Variants in XKR4 observed in about 807,000 individuals in gnomAD.
XKR4 encodes the protein XK related 4.
XKR4 carries 12 observed loss-of-function variants against 53.9 expected under a neutral mutation model. The ratio of observed to expected loss-of-function variants is 0.22; its 90% CI spans 0.14 to 0.36. The LOEUF (loss-of-function observed/expected upper bound fraction) is 0.36. XKR4 is among the 10% of genes least tolerant of loss of function. The probability of loss-of-function intolerance (pLI) is 1.00; values close to 1 mark genes in which losing one functional copy is unlikely to be tolerated. For synonymous variants in XKR4, 354 were observed against 362.4 expected (o/e 0.98, Z 0.26); for missense variants, 799 against 859.5 (o/e 0.93, Z 0.88).
At chr8:55,467,974 C>G (rs1762923265) in intron 2 of XKR4, among the ~76,000 whole-genome samples, 1 of 152,186 alleles carries the variant, frequency 6.6e-6, no homozygotes. Context: ...AAATTTTTAA[C>G]TTTCATAATC....
intron 1 of XKR4, among the ~76,000 whole-genome samples, chr8:55,157,020 A>C (rs1816917803): frequency 6.6e-6 from 1 of 152,236 alleles, no homozygotes; most frequent in Non-Finnish European, 1.5e-5. Flanking sequence ...ATCACTTTTC[A>C]TTGTGTTTGA....
At chr8:55,248,104 C>A (rs985988726) in intron 1 of XKR4, among the ~76,000 whole-genome samples, 3 of 151,922 alleles carry the variant, frequency 2.0e-5, no homozygotes, top group Admixed American at 6.6e-5. Flanking sequence ...ATCCACCCAC[C>A]TTGACCTCCC....
chr8:55,513,632 T>G (rs1196052537), intron 2 of XKR4, among the ~76,000 whole-genome samples: 1 of 152,228 alleles, frequency 6.6e-6, no homozygotes, highest in Non-Finnish European at 1.5e-5. Flanking sequence ...GGTTTATTCA[T>G]GTCCATACTC....
chr8:55,418,558 T>C (rs112588624), intron 2 of XKR4, among the ~76,000 whole-genome samples: 161 of 152,306 alleles, frequency 1.1e-3, no homozygotes, highest in African/African-American at 3.6e-3. Flanking sequence ...CCTGAGGTAC[T>C]GGTCTAACCG....
chr8:55,432,383 A>G (rs2658920), intron 2 of XKR4, among the ~76,000 whole-genome samples: 36,225 of 152,152 alleles, frequency 0.24, 5,263 homozygotes, highest in East Asian at 0.38. Flanking sequence ...AGTTCTTTAA[A>G]TGGCACCTGG....
chr8:55,503,151 C>T (rs1365524800), intron 2 of XKR4, among the ~76,000 whole-genome samples: 4 of 151,384 alleles, frequency 2.6e-5, no homozygotes, highest in African/African-American at 4.9e-5. Flanking sequence ...ATTTTTTTTT[C>T]AAGATTATTT....
At chr8:55,266,015 A>T (rs1291301413) in intron 1 of XKR4, among the ~76,000 whole-genome samples, 1 of 150,794 alleles carries the variant, frequency 6.6e-6, no homozygotes, top group East Asian at 2.0e-4. Context: ...AAAAATTTAA[A>T]AATTCTTAAA....
intron 2 of XKR4, among the ~76,000 whole-genome samples, chr8:55,378,965 C>G (rs1804190878): frequency 6.6e-6 from 1 of 152,128 alleles, no homozygotes; most frequent in African/African-American, 2.4e-5. Flanking sequence ...CATGTAAAAA[C>G]AAAAACTCCC....
intron 2 of XKR4, chr8:55,454,555 A>G: frequency 7.0e-7 from 1 of 1,434,528 alleles, no homozygotes; most frequent in South Asian, 1.2e-5. Flanking sequence ...GCTGATGGGC[A>G]GGGAGTCGGC....
At chr8:55,175,239 A>G (rs1817214115) in intron 1 of XKR4, among the ~76,000 whole-genome samples, 1 of 152,202 alleles carries the variant, frequency 6.6e-6, no homozygotes, top group Non-Finnish European at 1.5e-5. Context: ...ATGGCTAAAG[A>G]GGTTTCAAAG....
At chr8:55,373,923 A>G (rs1220172879) in intron 2 of XKR4, among the ~76,000 whole-genome samples, 1 of 152,200 alleles carries the variant, frequency 6.6e-6, no homozygotes, top group Non-Finnish European at 1.5e-5. Context: ...GAATGAGTGC[A>G]GTGATTTCAA....
intron 1 of XKR4, among the ~76,000 whole-genome samples, chr8:55,333,146 G>A (rs942170789): frequency 6.6e-6 from 1 of 151,396 alleles, no homozygotes; most frequent in African/African-American, 2.4e-5. Context: ...TTAGTTCTTT[G>A]TCCATGTTCT....
intron 2 of XKR4, among the ~76,000 whole-genome samples, chr8:55,497,023 G>A (rs1219380396): frequency 6.6e-6 from 1 of 152,116 alleles, no homozygotes; most frequent in East Asian, 1.9e-4. Flanking sequence ...ACACCTCAAT[G>A]TCCGGTAAAT....
At position 55,452,943 on chromosome 8, in the gene XKR4, A is replaced by G. The variant is rs569929657; in HGVS notation, c.1007-70338A>G. 3.1e-4 allele frequency: 242 copies of G among 786,184 alleles called. 2 individuals carry two copies. The African/African-American group carries it at 3.7e-3, about 12-fold the overall frequency. 48.7% of individuals were successfully genotyped at this position (786,184 alleles called of 1,614,324 possible). Reference sequence around the variant, plus strand: ...GAACACTGTGCTCTCCTCCTTCTGCATCAGCTCCTGCTGCTTCTCACCGCT... The same window carrying G: ...GAACACTGTGCTCTCCTCCTTCTGCGTCAGCTCCTGCTGCTTCTCACCGCT... On this transcript the variant is annotated intron_variant, in intron 2 of 2. Transcript: ENST00000327381.
chr8:55,210,956 G>T (rs1183366000), intron 1 of XKR4, among the ~76,000 whole-genome samples: 2 of 152,132 alleles, frequency 1.3e-5, no homozygotes, highest in Non-Finnish European at 2.9e-5. Context: ...ATATGTCAGG[G>T]GATGAAATTT....
At chr8:55,191,274 C>T (rs1239152415) in intron 1 of XKR4, among the ~76,000 whole-genome samples, 1 of 152,188 alleles carries the variant, frequency 6.6e-6, no homozygotes, top group Non-Finnish European at 1.5e-5. Context: ...CCTCCCAAAT[C>T]GTGCAACCAT....
At chr8:55,405,857 G>A (rs1804672174) in intron 2 of XKR4, among the ~76,000 whole-genome samples, 1 of 152,144 alleles carries the variant, frequency 6.6e-6, no homozygotes, top group Non-Finnish European at 1.5e-5. Context: ...TGTGTGTGAT[G>A]GAAATAGGCC....
chr8:55,327,447 C>T (rs965706531), intron 1 of XKR4, among the ~76,000 whole-genome samples: 3 of 151,994 alleles, frequency 2.0e-5, no homozygotes, highest in African/African-American at 7.3e-5. Context: ...AGTACACAAA[C>T]TACTCAAATA....
At chr8:55,108,965 G>A (rs1387015700) in intron 1 of XKR4, among the ~76,000 whole-genome samples, 1 of 152,138 alleles carries the variant, frequency 6.6e-6, no homozygotes, top group African/African-American at 2.4e-5. Flanking sequence ...ATGGTACTGA[G>A]GATGATGAGG....
Sources: allele counts gnomAD v4.1 joint callset (sites outside exome capture counted in the v4.1 genomes callset), GRCh38; gene constraint gnomAD v4.1.1; transcripts MANE v1.5; gene names NCBI Gene and HGNC (gene_info 2026-07-23, HGNC 2026-07-21).